POU2F1: variants seen among roughly 807,000 people sequenced by gnomAD.
POU2F1 encodes the protein POU class 2 homeobox 1.
POU2F1 carries 16 observed loss-of-function variants against 84.9 expected under a neutral mutation model. That is an observed-to-expected ratio of 0.19 (90% CI 0.13 to 0.29). POU2F1 has a LOEUF of 0.29. Among genes scored for constraint, POU2F1 ranks in the 10% least tolerant of loss-of-function variants. The pLI is 1.00. For missense variants in POU2F1, 738 were observed against 942.6 expected, an observed-to-expected ratio of 0.78 and a Z score of 2.84; for synonymous variants, 368 against 368.3, an observed-to-expected ratio of 1.00 and a Z score of 0.01.
chr1:167,320,443 G>A (rs945654289), intron 1 of POU2F1, among the ~76,000 whole-genome samples: 11 of 152,208 alleles, frequency 7.2e-5, no homozygotes, highest in Admixed American at 2.6e-4. Context: ...AACAGTTTTC[G>A]TTTTAGGAAA....
chr1:167,337,011 CA>C (rs1041983425), intron 2 of POU2F1, among the ~76,000 whole-genome samples: 6 of 151,876 alleles, frequency 4.0e-5, no homozygotes, highest in Non-Finnish European at 8.8e-5. Context: ...ACTAAAAATA[CA>C]AAAAAATTAG....
rs969164467 is a variant in POU2F1 at position 167,294,104 on chromosome 1, G to A, written c.62-38366G>A. Among the ~76,000 whole-genome samples the A allele has an allele frequency of 5.3e-4, 80 of 150,558 alleles. 1 individual carries two copies. The highest frequency in any genetic ancestry group is 7.9e-4 in the Admixed American group (12 of 15,104). On this transcript the variant is annotated intron_variant, in intron 1 of 15. Transcript: ENST00000367866. ...TCCCAGCACTTTGGGAGGCCGAGGC[G>A]GGCGGATCACAAGGTCAGGAGATCA...
intron 1 of POU2F1, among the ~76,000 whole-genome samples, chr1:167,250,785 C>T (rs1385091271): frequency 6.6e-6 from 1 of 152,178 alleles, no homozygotes; most frequent in African/African-American, 2.4e-5. Context: ...TTCTGATATA[C>T]TAGAGCACTG....
At chr1:167,369,925 T>A (rs935244401) in intron 3 of POU2F1, among the ~76,000 whole-genome samples, 2 of 151,424 alleles carry the variant, frequency 1.3e-5, no homozygotes, top group Non-Finnish European at 2.9e-5. Flanking sequence ...TCATTTAGTG[T>A]GGGAAAACAT....
At chr1:167,271,610 C>G (rs999097008) in intron 1 of POU2F1, among the ~76,000 whole-genome samples, 2 of 152,126 alleles carry the variant, frequency 1.3e-5, no homozygotes, top group African/African-American at 4.8e-5. Context: ...TTAAAACATT[C>G]AAGCTGTGCC....
intron 2 of POU2F1, among the ~76,000 whole-genome samples, chr1:167,338,562 C>T (rs1416702122): frequency 5.9e-5 from 9 of 152,080 alleles, no homozygotes; most frequent in Non-Finnish European, 1.3e-4. Flanking sequence ...ATTATTGTGC[C>T]AAAATAGTAT....
At chr1:167,355,613 G>C (rs1485519784) in intron 2 of POU2F1, among the ~76,000 whole-genome samples, 7 of 152,180 alleles carry the variant, frequency 4.6e-5, no homozygotes, top group Non-Finnish European at 8.8e-5. Flanking sequence ...GGGGAGAACT[G>C]ACATTTTTAC....
chr1:167,372,255 G>T (rs1203082523), intron 5 of POU2F1, among the ~76,000 whole-genome samples: 1 of 152,080 alleles, frequency 6.6e-6, no homozygotes, highest in Non-Finnish European at 1.5e-5. Context: ...TAGAATTGTG[G>T]ATGCTCTGGA....
chr1:167,383,851 C>G lies in POU2F1; in HGVS notation c.719-6C>G. 6.2e-7 allele frequency: 1 copy of G among 1,608,900 alleles called. No homozygotes were observed. The highest frequency in any genetic ancestry group is 8.5e-7 in the Non-Finnish European group (1 of 1,176,728). ...TGTTTCTGGATAACATGTTTTTCTT[C>G]TACAGGTCTCCTGCAAGCGCAAAAT... On this transcript the variant is annotated splice_region_variant and splice_polypyrimidine_tract_variant and intron_variant, in intron 7 of 15. Coordinates refer to ENST00000367866, the MANE Select transcript of POU2F1 (RefSeq NM_002697.4).
intron 1 of POU2F1, among the ~76,000 whole-genome samples, chr1:167,259,941 C>G (rs184489705): frequency 6.6e-6 from 1 of 151,670 alleles, no homozygotes; most frequent in Non-Finnish European, 1.5e-5. Flanking sequence ...TGCAGTGGCG[C>G]GATCTCAGCT....
chr1:167,386,078 A>G (rs534125109), intron 8 of POU2F1, among the ~76,000 whole-genome samples: 1 of 152,368 alleles, frequency 6.6e-6, no homozygotes, highest in Non-Finnish European at 1.5e-5. Context: ...AAAATTTAAA[A>G]GGCTATGACA....
At chr1:167,284,102 C>T (rs1653354890) in intron 1 of POU2F1, among the ~76,000 whole-genome samples, 1 of 152,172 alleles carries the variant, frequency 6.6e-6, no homozygotes, top group African/African-American at 2.4e-5. Context: ...TTTGTGGTAT[C>T]AGAACAATTT....
At chr1:167,288,177 T>C (rs561164753) in intron 1 of POU2F1, among the ~76,000 whole-genome samples, 1 of 152,320 alleles carries the variant, frequency 6.6e-6, no homozygotes, top group South Asian at 2.1e-4. Flanking sequence ...TGAGCAGATA[T>C]ATTGGTAGCC....
intron 1 of POU2F1, among the ~76,000 whole-genome samples, chr1:167,263,557 T>G (rs1042323018): frequency 5.9e-5 from 9 of 151,964 alleles, no homozygotes; most frequent in African/African-American, 2.2e-4. Flanking sequence ...GGCTTCTAAT[T>G]CAGATTTTTG....
rs1650660786 is a variant in POU2F1, at chr1:167,421,742, G to A, written c.*5932G>A. On this transcript the variant is annotated 3_prime_UTR_variant, in exon 16 of 16. Coordinates refer to ENST00000367866, the MANE Select transcript of POU2F1 (RefSeq NM_002697.4). ...ATAGCTTAGCATTGTTGCAAAACTG[G>A]TTTTAAACTAAAAACCAAATAAATA... The A allele has an allele frequency of 6.6e-6, 1 of 152,066 alleles. No individual in the cohort carries two copies. The highest frequency in any genetic ancestry group is 6.5e-5 in the Admixed American group (1 of 15,270). 9.4% of individuals were successfully genotyped at this position (152,066 alleles called of 1,614,324 possible). A position where few individuals can be genotyped will look rare whatever the true frequency, so the allele number is the denominator to read the frequency against.
chr1:167,350,491 G>A (rs891608290), intron 2 of POU2F1, among the ~76,000 whole-genome samples: 9 of 152,016 alleles, frequency 5.9e-5, no homozygotes, highest in Non-Finnish European at 1.3e-4. Flanking sequence ...AAAGAACATG[G>A]GGAACTGACA....
Position 167,418,944 on chromosome 1 carries a change from A to T in POU2F1, c.*3134A>T, listed in dbSNP as rs2101960900. 1 of 152,292 alleles carries T rather than the reference A, an allele frequency of 6.6e-6. No homozygotes were observed. Among genetic ancestry groups the T allele is most frequent in the South Asian group, 2.1e-4 (1 of 4,824 alleles). 9.4% of individuals were successfully genotyped at this position (152,292 alleles called of 1,614,324 possible). ...TTTTTTTCTCTTTTTTTACTTATTT[A>T]AAAATAAGTTGTGAAATGAAAGGTA... is the stretch of plus-strand genomic sequence containing the variant. On this transcript the variant is annotated 3_prime_UTR_variant, in exon 16 of 16. Coordinates refer to ENST00000367866, the MANE Select transcript of POU2F1 (RefSeq NM_002697.4).
In POU2F1 at chr1:167,389,465, G is replaced by A. The variant is rs1320299029; in HGVS notation, c.814-123G>A. On this transcript the variant is annotated intron_variant, in intron 8 of 15. Transcript: ENST00000367866. ...CACTGAACATTATGTTGTACATTCT[G>A]TAGTGTTACATGGTCTTCATCGTTA... 3 of 950,666 alleles carry A rather than the reference G, an allele frequency of 3.2e-6. No individual in the cohort carries two copies. The African/African-American group carries it at 4.9e-5, about 16-fold the overall frequency. The allele number at this position is 950,666 out of a possible 1,614,324, so 58.9% of individuals were successfully genotyped here. A position where few individuals can be genotyped will look rare whatever the true frequency, so the allele number is the denominator to read the frequency against.
intron 1 of POU2F1, among the ~76,000 whole-genome samples, chr1:167,271,890 TAAA>T (rs1370414771): frequency 6.6e-6 from 1 of 152,164 alleles, no homozygotes; most frequent in Non-Finnish European, 1.5e-5. Flanking sequence ...TGGGGGAAAA[TAAA>T]AAGCATAATA....
Sources: allele counts gnomAD v4.1 joint callset (sites outside exome capture counted in the v4.1 genomes callset), GRCh38; gene constraint gnomAD v4.1.1; transcripts MANE v1.5; gene names NCBI Gene and HGNC (gene_info 2026-07-23, HGNC 2026-07-21).